The following BRF1 variants were observed in gnomAD, a reference collection of about 807,000 sequenced individuals.
BRF1 encodes the protein transcription factor IIIB 90 kDa subunit.
BRF1 carries 59 observed loss-of-function variants against 81.7 expected under a neutral mutation model. That is an observed-to-expected ratio of 0.72 (90% CI 0.59 to 0.90). The LOEUF (loss-of-function observed/expected upper bound fraction) is 0.90. BRF1 is among the 40% of genes least tolerant of loss of function. BRF1 has a pLI of 0.00. For missense variants in BRF1, 1,050 were observed against 936.3 expected (o/e 1.12, Z -1.58); for synonymous variants, 491 against 395.6 (o/e 1.24, Z -2.86).
In BRF1 at chr14:105,223,551, A is replaced by C. The variant is rs187372465; in HGVS notation, c.1049-1637T>G. 1.4e-4 allele frequency among the ~76,000 whole-genome samples: 22 copies of C among 152,298 alleles called. No homozygotes were observed. In the South Asian group the frequency reaches 2.7e-3, roughly 19 times the overall value. Reference sequence around the variant, plus strand: ...CACTGTGAAAAAAGCCGAAGGGAAAAACATATACTATGTGATCCTACTCCT... The same window carrying C: ...CACTGTGAAAAAAGCCGAAGGGAAACACATATACTATGTGATCCTACTCCT... On this transcript the variant is annotated intron_variant, in intron 10 of 17. Transcript: ENST00000547530.
At chr14:105,250,426 G>GTT (rs770927803) in intron 5 of BRF1, 135 of 1,613,876 alleles carry the variant, frequency 8.4e-5, no homozygotes, top group Non-Finnish European at 1.1e-4. Flanking sequence ...ACTTGACCAA[G>GTT]TTCATGTCAG....
chr14:105,219,322 C>T, intron 12 of BRF1, 90 bp from the exon 13 acceptor site: 1 of 1,577,586 alleles, frequency 6.3e-7, no homozygotes, highest in Non-Finnish European at 8.6e-7. Context: ...AGTATTTCCA[C>T]CGTTAGAGGA....
intron 11 of BRF1, among the ~76,000 whole-genome samples, chr14:105,221,292 C>T (rs587751843): frequency 2.6e-5 from 4 of 152,328 alleles, no homozygotes; most frequent in South Asian, 4.1e-4. Context: ...CAGCAAGTGA[C>T]GTTCCCCCGA....
In BRF1 at chr14:105,271,496, C is replaced by A. The variant is rs966111646; in HGVS notation, c.439+1225G>T. On this transcript the variant is annotated intron_variant, in intron 3 of 17. Coordinates refer to ENST00000547530, the MANE Select transcript of BRF1 (RefSeq NM_001519.4). The surrounding 1 kb of genome is among the most constrained non-coding windows in gnomAD (Gnocchi z 5.5). ...ACCAGACACAGGGCAGGGAGGGGGA[C>A]CACCTTCAGAGGGGCGCAGCTCGGA... is the stretch of plus-strand genomic sequence containing the variant. 9.9e-5 allele frequency among the ~76,000 whole-genome samples: 15 copies of A among 152,128 alleles called. No individual in the cohort carries two copies. The highest frequency in any genetic ancestry group is 3.6e-4 in the African/African-American group (15 of 41,434).
chr14:105,229,268 T>G (rs749354267), intron 6 of BRF1, among the ~76,000 whole-genome samples: 3 of 152,340 alleles, frequency 2.0e-5, no homozygotes, highest in South Asian at 4.1e-4. Flanking sequence ...GGAGCCAGGC[T>G]GGGCAGGAAA....
intron 4 of BRF1, among the ~76,000 whole-genome samples, chr14:105,254,516 C>G (rs1178099550): frequency 1.3e-5 from 2 of 152,036 alleles, no homozygotes; most frequent in African/African-American, 2.4e-5. Context: ...CTCGGCCTCC[C>G]AAAGTGCTGG....
chr14:105,249,128 G>GC, intron 5 of BRF1: 1 of 1,525,086 alleles, frequency 6.6e-7, no homozygotes, highest in Non-Finnish European at 8.7e-7. Flanking sequence ...GCGCGCCCAC[G>GC]CCCCCAGCCC....
At chr14:105,279,891 G>A (rs587688597) in intron 2 of BRF1, among the ~76,000 whole-genome samples, 7 of 152,240 alleles carry the variant, frequency 4.6e-5, no homozygotes, top group African/African-American at 1.7e-4. Flanking sequence ...CTACTTACAC[G>A]CTCCAAAACA....
At position 105,269,721 on chromosome 14, in the gene BRF1, A is replaced by T. The variant is rs8004418; in HGVS notation, c.439+3000T>A. Reference sequence around the variant, plus strand: ...ACTGCTCTCCGTCCTGCCTGTCATCACCCCATGAAGGCCCATGTCCCAGGG... The same window carrying T: ...ACTGCTCTCCGTCCTGCCTGTCATCTCCCCATGAAGGCCCATGTCCCAGGG... On this transcript the variant is annotated intron_variant, in intron 3 of 17. Coordinates refer to ENST00000547530, the MANE Select transcript of BRF1 (RefSeq NM_001519.4). This position sits in a 1 kb window ranked among gnomAD's most constrained non-coding sequence, Gnocchi z 5.0. Among the ~76,000 whole-genome samples the T allele has an allele frequency of 1.9e-3, 288 of 151,978 alleles. 2 individuals are homozygous for T. Among genetic ancestry groups the T allele is most frequent in the African/African-American group, 6.6e-3 (275 of 41,438 alleles).
At chr14:105,219,843 C>T (rs1478507769) in intron 12 of BRF1, 13 of 588,844 alleles carry the variant, frequency 2.2e-5, no homozygotes, top group South Asian at 4.0e-5. Flanking sequence ...AAGGACCAGG[C>T]GCAAAGCCAG....
Position 105,272,784 on chromosome 14 carries a change from G to T in BRF1, c.376C>A (p.Arg126=), listed in dbSNP as rs1364184603. ...GCAGCAATCACGTGGGCCATCTTCC[G>T]GCCGCGGGTCAGGTGCCTGCTCACG... is the stretch of plus-strand genomic sequence containing the variant. ...MAVSRHLTRG[R]KMAHVIAACL... is the part of the protein sequence containing the mutation. The change falls in exon 3 of 18, where the codon CGG becomes AGG. Residue 126 remains arginine (R), a synonymous_variant. Coordinates refer to ENST00000547530, the MANE Select transcript of BRF1 (RefSeq NM_001519.4). 2.5e-6 allele frequency: 4 copies of T among 1,613,822 alleles called. No individual in the cohort carries two copies. Among genetic ancestry groups the T allele is most frequent in the Non-Finnish European group, 3.4e-6 (4 of 1,179,976 alleles).
At chr14:105,314,696 GGGGGCGCGC>G (rs1214306992) in intron 1 of BRF1, 1 of 142,658 alleles carries the variant, frequency 7.0e-6, no homozygotes, top group African/African-American at 2.5e-5. Context: ...CGGGGCGGCC[GGGGGCGCGC>G]GGGGCGCGGG....
chr14:105,290,535 T>G (rs923417398), intron 1 of BRF1, among the ~76,000 whole-genome samples: 1 of 152,158 alleles, frequency 6.6e-6, no homozygotes, highest in Non-Finnish European at 1.5e-5. Flanking sequence ...CAGGCGTGCT[T>G]CTGACAGAAC....
chr14:105,281,238 C>T (rs1197144597), intron 2 of BRF1, among the ~76,000 whole-genome samples: 10 of 140,720 alleles, frequency 7.1e-5, no homozygotes, highest in Admixed American at 1.4e-4. Context: ...ATCCTGAGCC[C>T]GGGTGTGTGG....
chr14:105,293,916 G>A (rs1400757817), intron 1 of BRF1, among the ~76,000 whole-genome samples: 1 of 152,232 alleles, frequency 6.6e-6, no homozygotes. Context: ...AAAACACCTA[G>A]GAAAGACAGT....
At chr14:105,246,913 C>T (rs1290400411) in intron 5 of BRF1, 21 of 985,336 alleles carry the variant, frequency 2.1e-5, no homozygotes, top group Admixed American at 1.2e-4. Flanking sequence ...AGACAGCTGT[C>T]GCCCAGGTCT....
chr14:105,307,849 A>G (rs746101652), intron 1 of BRF1, among the ~76,000 whole-genome samples: 4 of 152,190 alleles, frequency 2.6e-5, no homozygotes, highest in African/African-American at 7.2e-5. Context: ...CCGCAACTCG[A>G]GTGAGACTTG....
At chr14:105,275,212 C>G (rs1050960969) in intron 2 of BRF1, among the ~76,000 whole-genome samples, 3 of 152,218 alleles carry the variant, frequency 2.0e-5, no homozygotes, top group Non-Finnish European at 4.4e-5. Flanking sequence ...CACAGTCTGG[C>G]AGGTCCAGGT....
chr14:105,302,157 A>AG (rs1357904207), upstream of BRF1, among the ~76,000 whole-genome samples: 2 of 151,360 alleles, frequency 1.3e-5, no homozygotes, highest in African/African-American at 4.8e-5. Flanking sequence ...AAAAAAAAAA[A>AG]AGAGAAAAAA....
Sources: allele counts gnomAD v4.1 joint callset (sites outside exome capture counted in the v4.1 genomes callset), GRCh38; gene constraint gnomAD v4.1.1; non-coding constraint Gnocchi (gnomAD v3.1); transcripts MANE v1.5; gene names NCBI Gene and HGNC (gene_info 2026-07-23, HGNC 2026-07-21).